The following KBTBD2 variants were observed in gnomAD, a reference collection of about 807,000 sequenced individuals.
KBTBD2 encodes kelch repeat and BTB domain-containing protein 2.
In KBTBD2, 17 loss-of-function variants were observed where a neutral mutation model predicts 57.1. The observed-to-expected ratio is 0.30, with a 90% CI of 0.20 to 0.45. The LOEUF (loss-of-function observed/expected upper bound fraction) is 0.45. KBTBD2 is among the 20% of genes least tolerant of loss of function. The pLI, the probability that KBTBD2 is intolerant of heterozygous loss-of-function variation, is 1.00. For missense variants in KBTBD2, 515 were observed against 750.6 expected, an observed-to-expected ratio of 0.69 and a Z score of 3.67; for synonymous variants, 267 against 262.7, an observed-to-expected ratio of 1.02 and a Z score of -0.16.
intron 1 of KBTBD2, among the ~76,000 whole-genome samples, chr7:32,888,694 CAAAAA>C (rs1229378677): frequency 2.0e-5 from 2 of 98,484 alleles, no homozygotes; most frequent in Non-Finnish European, 4.4e-5. Context: ...GACTCCGTCC[CAAAAA>C]AAAAAAAAAA....
intron 1 of KBTBD2, among the ~76,000 whole-genome samples, chr7:32,889,449 A>C (rs1455857034): frequency 6.6e-6 from 1 of 151,944 alleles, no homozygotes; most frequent in East Asian, 1.9e-4. Flanking sequence ...AAAAATACAA[A>C]AATTAGCCAG....
chr7:32,880,281 G>A (rs1784414216), intron 1 of KBTBD2, among the ~76,000 whole-genome samples: 1 of 151,842 alleles, frequency 6.6e-6, no homozygotes, highest in African/African-American at 2.4e-5. Context: ...TATTTGTCTG[G>A]TAGCAACAAA....
rs1329818198 is a variant in KBTBD2 at position 32,870,639 on chromosome 7, G to C, written c.578C>G (p.Thr193Ser). 6.2e-7 allele frequency: 1 copy of C among 1,614,044 alleles called. No homozygotes were observed. Among genetic ancestry groups the C allele is most frequent in the African/African-American group, 1.3e-5 (1 of 75,010 alleles). ...SDNLNVEKEE[T>S]VREAAMLWLE... Reference sequence around the variant, plus strand: ...CCACAGCATAGCAGCTTCTCGAACGGTTTCTTCCTTTTCTACATTTAAATT... The same window carrying C: ...CCACAGCATAGCAGCTTCTCGAACGCTTTCTTCCTTTTCTACATTTAAATT... The change falls in exon 4 of 4, where the codon ACC becomes AGC. Residue 193 changes from threonine to serine, a missense_variant. Transcript: ENST00000304056.
chr7:32,870,595 A>T lies in KBTBD2; in HGVS notation c.622T>A (p.Ser208Thr), dbSNP rs753146558. Reference protein sequence around the residue: ...AMLWLEYNTESRSQYLSSVLS... With the variant: ...AMLWLEYNTETRSQYLSSVLS... ...ACAGAAGACAAATACTGGGATCGTGATTCTGTGTTATACTCTAGCCACAGC... is the reference window on the plus strand; with the variant it reads ...ACAGAAGACAAATACTGGGATCGTGTTTCTGTGTTATACTCTAGCCACAGC... Residue 208 changes from serine to threonine, a missense_variant, in exon 4 of 4, where the codon TCA becomes ACA. By Grantham distance (58) the Ser-to-Thr change is moderately conservative. Transcript: ENST00000304056. 1.3e-5 allele frequency: 21 copies of T among 1,614,018 alleles called. No homozygotes were observed. The highest frequency in any genetic ancestry group is 1.5e-5 in the Non-Finnish European group (18 of 1,180,028).
intron 3 of KBTBD2, among the ~76,000 whole-genome samples, chr7:32,873,264 A>C (rs1784226382): frequency 6.6e-6 from 1 of 152,224 alleles, no homozygotes; most frequent in African/African-American, 2.4e-5. Context: ...TGTTTTGTTT[A>C]AATACTTCTC....
chr7:32,881,200 C>T (rs1156909469), intron 1 of KBTBD2, among the ~76,000 whole-genome samples: 1 of 151,482 alleles, frequency 6.6e-6, no homozygotes, highest in African/African-American at 2.4e-5. Context: ...AAGTGGCTAA[C>T]TGCTCAAGGG....
intron 1 of KBTBD2, among the ~76,000 whole-genome samples, chr7:32,882,266 T>C (rs1324073199): frequency 6.6e-6 from 1 of 152,192 alleles, no homozygotes; most frequent in Non-Finnish European, 1.5e-5. Context: ...TCCCCATCCA[T>C]GTTTAAACAA....
rs893610880 is a variant in KBTBD2 at position 32,868,813 on chromosome 7, C to T, written c.*532G>A. The T allele has an allele frequency of 3.3e-5, 5 of 153,512 alleles. No homozygotes were observed. The highest frequency in any genetic ancestry group is 2.6e-4 in the Admixed American group (4 of 15,422). 9.5% of individuals were successfully genotyped at this position (153,512 alleles called of 1,614,324 possible). Reference sequence around the variant, plus strand: ...ACTGATCCTGCAGTCATAGCTTTCCCTGTGTAATACCATAAAATTATGGAA... The same window carrying T: ...ACTGATCCTGCAGTCATAGCTTTCCTTGTGTAATACCATAAAATTATGGAA... On this transcript the variant is annotated 3_prime_UTR_variant, in exon 4 of 4. Coordinates refer to ENST00000304056, the MANE Select transcript of KBTBD2 (RefSeq NM_015483.3).
chr7:32,875,250 T>C, intron 2 of KBTBD2, 93 bp from the exon 3 acceptor site: 1 of 1,127,342 alleles, frequency 8.9e-7, no homozygotes, highest in Non-Finnish European at 1.3e-6. Context: ...GAGGTGTTTA[T>C]TTAGGGTATT....
intron 3 of KBTBD2, among the ~76,000 whole-genome samples, chr7:32,872,905 G>C (rs1395876898): frequency 6.6e-6 from 1 of 152,118 alleles, no homozygotes; most frequent in Non-Finnish European, 1.5e-5. Flanking sequence ...TGGATAAAGG[G>C]TACTCAACCT....
At chr7:32,891,278 G>A (rs1247354688) in intron 1 of KBTBD2, 1 of 148,890 alleles carries the variant, frequency 6.7e-6, no homozygotes, top group Non-Finnish European at 1.5e-5. Flanking sequence ...GGCGTACCGG[G>A]CCGCCCCTTC....
In KBTBD2 at chr7:32,869,242, T is replaced by G; in HGVS notation, c.*103A>C. 1 of 780,364 alleles carries G rather than the reference T, an allele frequency of 1.3e-6. No individual in the cohort carries two copies. The highest frequency in any genetic ancestry group is 2.0e-6 in the Non-Finnish European group (1 of 491,748). 48.3% of individuals were successfully genotyped at this position (780,364 alleles called of 1,614,324 possible). A position where few individuals can be genotyped will look rare whatever the true frequency, so the allele number is the denominator to read the frequency against. ...GCATAAAAATAAAATTTATCAAAGA[T>G]AGAATTTTATGTACTCATATTTAGT... On this transcript the variant is annotated 3_prime_UTR_variant, in exon 4 of 4. Coordinates refer to ENST00000304056, the MANE Select transcript of KBTBD2 (RefSeq NM_015483.3).
At chr7:32,881,907 G>A (rs1784453046) in intron 1 of KBTBD2, among the ~76,000 whole-genome samples, 1 of 152,138 alleles carries the variant, frequency 6.6e-6, no homozygotes, top group Non-Finnish European at 1.5e-5. Flanking sequence ...TTTTATAGAG[G>A]TATTGTGACA....
chr7:32,869,599 C>G lies in KBTBD2; in HGVS notation c.1618G>C (p.Glu540Gln), dbSNP rs770776876. 1.9e-6 allele frequency: 3 copies of G among 1,614,052 alleles called. No homozygotes were observed. Among genetic ancestry groups the G allele is most frequent in the East Asian group, 2.2e-5 (1 of 44,900 alleles). Reference protein sequence around the residue: ...ISNSLCVFMRETHLNERAKYV... With the variant: ...ISNSLCVFMRQTHLNERAKYV... ...TTAGCTCGCTCATTTAAGTGGGTTT[C>G]TCGCATAAACACACATAGAGAATTT... Residue 540 changes from glutamate to glutamine, a missense_variant, in exon 4 of 4, where the codon GAA (glutamate) becomes CAA (glutamine). Transcript: ENST00000304056.
At chr7:32,883,574 T>C (rs565185443) in intron 1 of KBTBD2, among the ~76,000 whole-genome samples, 1 of 152,310 alleles carries the variant, frequency 6.6e-6, no homozygotes, top group South Asian at 2.1e-4. Flanking sequence ...TGTGACGTAT[T>C]TTACAAATTT....
In KBTBD2 at chr7:32,869,680, C is replaced by A; in HGVS notation, c.1537G>T (p.Ala513Ser). The change falls in exon 4 of 4, where the codon GCC becomes TCC. Residue 513 changes from alanine (A) to serine (S), a missense_variant. Ala to Ser is a moderately conservative substitution (Grantham distance 99). Transcript: ENST00000304056. ...GAGTACCTCTTAGCAGGGATGTTGG[C>A]TGCCATTTTCCACTCATTTTTATTC... ...DVNKNEWKMAANIPAKRYSDP... is the reference protein window; with the variant it reads ...DVNKNEWKMASNIPAKRYSDP... 6.2e-7 allele frequency: 1 copy of A among 1,614,114 alleles called. No homozygotes were observed. The highest frequency in any genetic ancestry group is 8.5e-7 in the Non-Finnish European group (1 of 1,180,016).
Position 32,870,465 on chromosome 7 carries a change from T to G in KBTBD2, c.752A>C (p.Lys251Thr). Residue 251 changes from lysine to threonine, a missense_variant, in exon 4 of 4, where the codon AAG (lysine) becomes ACG (threonine). Physicochemically the swap from Lys to Thr is moderately conservative, Grantham distance 78. Transcript: ENST00000304056. Reference sequence around the variant, plus strand: ...TGGTTTGAAAAACTTGGGCATGGACTTATACAGACCTTGAACCACCACTGA... The same window carrying G: ...TGGTTTGAAAAACTTGGGCATGGACGTATACAGACCTTGAACCACCACTGA... ...DKSVVVQGLY[K>T]SMPKFFKPRL... 1 of 1,614,028 alleles carries G rather than the reference T, an allele frequency of 6.2e-7. No individual in the cohort carries two copies. Among genetic ancestry groups the G allele is most frequent in the Non-Finnish European group, 8.5e-7 (1 of 1,179,952 alleles).
chr7:32,872,458 G>A (rs1045119805), intron 3 of KBTBD2, among the ~76,000 whole-genome samples: 4 of 152,054 alleles, frequency 2.6e-5, no homozygotes, highest in African/African-American at 9.7e-5. Context: ...GGTGAGAGGA[G>A]TGCCTGAGCT....
Position 32,869,201 on chromosome 7 carries a change from G to T in KBTBD2, c.*144C>A. Reference sequence around the variant, plus strand: ...ACTCACTGATATATATTATACTGATGCAAATATTAAGTAGGGCATAAAAAT... The same window carrying T: ...ACTCACTGATATATATTATACTGATTCAAATATTAAGTAGGGCATAAAAAT... On this transcript the variant is annotated 3_prime_UTR_variant, in exon 4 of 4. Coordinates refer to ENST00000304056, the MANE Select transcript of KBTBD2 (RefSeq NM_015483.3). 1.7e-6 allele frequency: 1 copy of T among 597,890 alleles called. No homozygotes were observed. The highest frequency in any genetic ancestry group is 2.9e-6 in the Non-Finnish European group (1 of 340,382). 37.0% of individuals were successfully genotyped at this position (597,890 alleles called of 1,614,324 possible). A position where few individuals can be genotyped will look rare whatever the true frequency, so the allele number is the denominator to read the frequency against.
Sources: gnomAD v4.1 joint callset for allele counts (sites outside exome capture counted in the v4.1 genomes callset) on GRCh38, gnomAD v4.1.1 for gene constraint, MANE v1.5 for transcripts, NCBI Gene and HGNC (gene_info 2026-07-23, HGNC 2026-07-21) for gene names.